SPAG16: variants seen among roughly 807,000 people sequenced by gnomAD.
SPAG16 encodes sperm associated antigen 16.
SPAG16 carries 86 observed loss-of-function variants against 80.4 expected under a neutral mutation model. That is an observed-to-expected ratio of 1.07 (90% confidence interval 0.90 to 1.28). SPAG16 has a LOEUF of 1.28. Among genes scored for constraint, SPAG16 ranks in the 50% most tolerant of loss-of-function variants. The pLI is 0.00. For synonymous variants in SPAG16, 294 were observed against 265.9 expected (o/e 1.11, Z -1.03); for missense variants, 870 against 765.3 (o/e 1.14, Z -1.61).
At chr2:214,142,861 A>G (rs866747296) in intron 14 of SPAG16, among the ~76,000 whole-genome samples, 2 of 152,202 alleles carry the variant, frequency 1.3e-5, no homozygotes, top group African/African-American at 4.8e-5. Flanking sequence ...TCCATCTGAC[A>G]CAAAGCTCTT....
chr2:213,847,672 A>G (rs1426849825), intron 10 of SPAG16, among the ~76,000 whole-genome samples: 1 of 152,138 alleles, frequency 6.6e-6, no homozygotes, highest in African/African-American at 2.4e-5. Flanking sequence ...TATCCAAACC[A>G]TTTGATTCTT....
intron 12 of SPAG16, among the ~76,000 whole-genome samples, chr2:213,974,962 A>C (rs1575697283): frequency 6.6e-6 from 1 of 151,302 alleles, no homozygotes; most frequent in East Asian, 1.9e-4. Flanking sequence ...AAAAAAAAAA[A>C]AAACACAAAA....
chr2:214,401,815 T>G (rs1403961848), intron 15 of SPAG16, among the ~76,000 whole-genome samples: 1 of 152,018 alleles, frequency 6.6e-6, no homozygotes, highest in Non-Finnish European at 1.5e-5. Context: ...AAATGTAACA[T>G]GTTCAAACCT....
intron 13 of SPAG16, among the ~76,000 whole-genome samples, chr2:214,030,744 C>T (rs115112900): frequency 0.013 from 1,942 of 152,288 alleles, 33 homozygotes; most frequent in African/African-American, 0.043. Flanking sequence ...ATACCTCTCC[C>T]CCTAACCTCA....
intron 9 of SPAG16, among the ~76,000 whole-genome samples, chr2:213,394,854 G>A (rs916236141): frequency 1.3e-5 from 2 of 152,068 alleles, no homozygotes; most frequent in Non-Finnish European, 1.5e-5. Context: ...ATATGGACTT[G>A]GGATTTTTTG....
At chr2:213,508,213 A>T (rs1426500695) in intron 10 of SPAG16, among the ~76,000 whole-genome samples, 1 of 152,208 alleles carries the variant, frequency 6.6e-6, no homozygotes, top group South Asian at 2.1e-4. Context: ...CAAATGTCCA[A>T]CAATGATAGA....
chr2:213,970,027 G>T (rs1310428678), intron 12 of SPAG16, among the ~76,000 whole-genome samples: 2 of 152,180 alleles, frequency 1.3e-5, no homozygotes, highest in Non-Finnish European at 2.9e-5. Flanking sequence ...GTGAGGGCTT[G>T]CTGCCTGCTT....
chr2:213,555,544 C>G (rs2059399845), intron 10 of SPAG16, among the ~76,000 whole-genome samples: 1 of 152,164 alleles, frequency 6.6e-6, no homozygotes, highest in African/African-American at 2.4e-5. Context: ...TCAATTAAAC[C>G]TCTTCCCTTT....
chr2:213,792,070 G>C (rs1188979893), intron 10 of SPAG16, among the ~76,000 whole-genome samples: 1 of 152,098 alleles, frequency 6.6e-6, no homozygotes, highest in African/African-American at 2.4e-5. Context: ...AGTATTCATC[G>C]AGACAAATTC....
In SPAG16 at chr2:213,317,683, T is replaced by A. The variant is rs143229524; in HGVS notation, c.536+327T>A. 263 of 995,250 alleles carry A rather than the reference T, an allele frequency of 2.6e-4. 2 individuals are homozygous for A. The African/African-American group carries it at 4.0e-3, about 15-fold the overall frequency. The allele number at this position is 995,250 out of a possible 1,614,324, so 61.7% of individuals were successfully genotyped here. ...TGTAAAGATAGGCTAATTTCTGAAA[T>A]AATAATTAAATTTATAGAAAGCCGA... On this transcript the variant is annotated intron_variant, in intron 5 of 15. Transcript: ENST00000331683.
chr2:213,643,672 G>A (rs113146783), intron 10 of SPAG16, among the ~76,000 whole-genome samples: 8,645 of 147,668 alleles, frequency 0.059, 830 homozygotes, highest in African/African-American at 0.2. Flanking sequence ...CTATTTTCTA[G>A]ATCCTGTAGG....
At chr2:213,350,453 G>C (rs1207628084) in intron 6 of SPAG16, 75 bp from the exon 7 acceptor site, 2 of 726,494 alleles carry the variant, frequency 2.8e-6, no homozygotes, top group African/African-American at 1.8e-5. Flanking sequence ...AAGAAAAAAA[G>C]GTTTTGATGT....
intron 9 of SPAG16, among the ~76,000 whole-genome samples, chr2:213,386,533 A>G (rs1409571690): frequency 2.0e-5 from 3 of 152,170 alleles, no homozygotes; most frequent in East Asian, 3.8e-4. Flanking sequence ...TCCCTAAAAC[A>G]TGCCTCTATA....
At chr2:214,374,704 A>G (rs746177408) in intron 15 of SPAG16, among the ~76,000 whole-genome samples, 4 of 152,222 alleles carry the variant, frequency 2.6e-5, no homozygotes, top group Non-Finnish European at 5.9e-5. Flanking sequence ...GCACTAGAGT[A>G]ATTTACTCAG....
chr2:213,803,747 A>G (rs2071564185), intron 10 of SPAG16, among the ~76,000 whole-genome samples: 1 of 152,146 alleles, frequency 6.6e-6, no homozygotes, highest in African/African-American at 2.4e-5. Context: ...TTATGTATGT[A>G]TATATTTAGA....
intron 15 of SPAG16, among the ~76,000 whole-genome samples, chr2:214,181,028 G>T (rs2057294054): frequency 6.6e-6 from 1 of 151,672 alleles, no homozygotes; most frequent in Admixed American, 6.6e-5. Context: ...CCATCCAAAA[G>T]TAAACAAGAC....
chr2:213,463,364 C>T (rs182597955), intron 9 of SPAG16, among the ~76,000 whole-genome samples: 1 of 152,336 alleles, frequency 6.6e-6, no homozygotes, highest in African/African-American at 2.4e-5. Flanking sequence ...ATGTTAATCA[C>T]CAAGACAATG....
chr2:214,259,705 G>C (rs911373411), intron 15 of SPAG16, among the ~76,000 whole-genome samples: 2 of 151,776 alleles, frequency 1.3e-5, no homozygotes, highest in African/African-American at 4.8e-5. Context: ...CTTTGTTTTT[G>C]TACTTTGTTT....
At chr2:213,810,728 G>A (rs1054441550) in intron 10 of SPAG16, among the ~76,000 whole-genome samples, 3 of 152,284 alleles carry the variant, frequency 2.0e-5, no homozygotes, top group Non-Finnish European at 2.9e-5. Context: ...TTCGTGGTGC[G>A]GAAGTACTAG....
Sources: gnomAD v4.1 joint callset for allele counts (sites outside exome capture counted in the v4.1 genomes callset) on GRCh38, gnomAD v4.1.1 for gene constraint, MANE v1.5 for transcripts, NCBI Gene and HGNC (gene_info 2026-07-23, HGNC 2026-07-21) for gene names.